Variants in NCAM1 observed in about 807,000 individuals in gnomAD.
The protein encoded by NCAM1 is antigen recognized by monoclonal antibody 5.1H11.
In NCAM1, 14 loss-of-function variants were observed where a neutral mutation model predicts 109.8. The observed-to-expected ratio is 0.13, with a 90% confidence interval of 0.08 to 0.20. The LOEUF (loss-of-function observed/expected upper bound fraction) is 0.20. NCAM1 is among the 10% of genes least tolerant of loss of function. The probability of loss-of-function intolerance (pLI) is 1.00; values close to 1 mark genes in which losing one functional copy is unlikely to be tolerated. For synonymous variants in NCAM1, 418 were observed against 442.9 expected (o/e 0.94, Z 0.70); for missense variants, 774 against 1,109.9 (o/e 0.70, Z 4.30).
intron 7 of NCAM1, among the ~76,000 whole-genome samples, chr11:113,209,228 C>T (rs1555113343): frequency 6.6e-6 from 1 of 152,192 alleles, no homozygotes; most frequent in Non-Finnish European, 1.5e-5. Flanking sequence ...TTGGGACCTG[C>T]TTATCCAGCC....
At chr11:113,014,986 C>G (rs970955135) in intron 1 of NCAM1, among the ~76,000 whole-genome samples, 1 of 152,204 alleles carries the variant, frequency 6.6e-6, no homozygotes, top group Non-Finnish European at 1.5e-5. Flanking sequence ...GGTGTGCTGC[C>G]GCCAGCTGGC....
At chr11:113,020,195 T>C (rs1555075996) in intron 1 of NCAM1, among the ~76,000 whole-genome samples, 1 of 152,222 alleles carries the variant, frequency 6.6e-6, no homozygotes, top group Non-Finnish European at 1.5e-5. Flanking sequence ...ACTCCTTACA[T>C]TGCCTTTATG....
chr11:113,150,755 G>T (rs1433914149), intron 1 of NCAM1, among the ~76,000 whole-genome samples: 2 of 152,196 alleles, frequency 1.3e-5, no homozygotes, highest in Admixed American at 6.5e-5. Flanking sequence ...GCATGCTCTG[G>T]AAACTGAAGC....
Position 112,961,477 on chromosome 11 carries a change from C to G in NCAM1, c.-136C>G. On this transcript the variant is annotated 5_prime_UTR_variant, in exon 1 of 20. Coordinates refer to ENST00000316851, the MANE Select transcript of NCAM1 (RefSeq NM_181351.5). ...CGGCTGCCGCTGGCAGGAAACAATTCTGCAAAAATAATCATACTCAGCCTG... is the reference window on the plus strand; with the variant it reads ...CGGCTGCCGCTGGCAGGAAACAATTGTGCAAAAATAATCATACTCAGCCTG... 1 of 788,596 alleles carries G rather than the reference C, an allele frequency of 1.3e-6. No homozygotes were observed. Among genetic ancestry groups the G allele is most frequent in the Non-Finnish European group, 2.3e-6 (1 of 426,700 alleles). 48.8% of individuals were successfully genotyped at this position (788,596 alleles called of 1,614,324 possible).
At chr11:113,014,118 G>T (rs1555074930) in intron 1 of NCAM1, among the ~76,000 whole-genome samples, 1 of 152,072 alleles carries the variant, frequency 6.6e-6, no homozygotes, top group Non-Finnish European at 1.5e-5. Flanking sequence ...ATACTACTCA[G>T]ATAAATGGTA....
intron 1 of NCAM1, among the ~76,000 whole-genome samples, chr11:112,968,463 T>C (rs1950784523): frequency 6.6e-6 from 1 of 152,224 alleles, no homozygotes; most frequent in African/African-American, 2.4e-5. Flanking sequence ...ATAATACCAA[T>C]AATTATATCT....
At chr11:113,054,381 T>A (rs1351701257) in intron 1 of NCAM1, among the ~76,000 whole-genome samples, 1 of 152,196 alleles carries the variant, frequency 6.6e-6, no homozygotes, top group Non-Finnish European at 1.5e-5. Flanking sequence ...AGTCCCACCC[T>A]CAGCATTTTA....
intron 1 of NCAM1, among the ~76,000 whole-genome samples, chr11:113,189,104 T>C (rs1476373450): frequency 6.6e-6 from 1 of 152,186 alleles, no homozygotes; most frequent in Non-Finnish European, 1.5e-5. Context: ...GCTTAGTTAC[T>C]TGGTTTTAAA....
intron 1 of NCAM1, among the ~76,000 whole-genome samples, chr11:113,029,634 A>G (rs1427587555): frequency 6.6e-6 from 1 of 152,198 alleles, no homozygotes; most frequent in Non-Finnish European, 1.5e-5. Flanking sequence ...AGAAATATCC[A>G]TTTAAATAAA....
At chr11:113,141,700 A>C (rs574428778) in intron 1 of NCAM1, among the ~76,000 whole-genome samples, 57 of 152,090 alleles carry the variant, frequency 3.7e-4, no homozygotes, top group Admixed American at 6.6e-4. Flanking sequence ...TTAGTTTAAA[A>C]ATAGACAGAA....
At chr11:113,093,547 A>G (rs1189927179) in intron 1 of NCAM1, among the ~76,000 whole-genome samples, 1 of 152,130 alleles carries the variant, frequency 6.6e-6, no homozygotes, top group Non-Finnish European at 1.5e-5. Context: ...TTATGGTCTT[A>G]TGAAGCACAG....
intron 1 of NCAM1, among the ~76,000 whole-genome samples, chr11:113,153,707 T>C (rs1942316321): frequency 6.6e-6 from 1 of 152,194 alleles, no homozygotes; most frequent in South Asian, 2.1e-4. Flanking sequence ...TATGTAAATC[T>C]GGGAGTGTGT....
intron 1 of NCAM1, among the ~76,000 whole-genome samples, chr11:113,201,654 G>T (rs45602736): frequency 0.092 from 14,039 of 152,272 alleles, 726 homozygotes; most frequent in East Asian, 0.25. Flanking sequence ...AGAGCATATG[G>T]ATGTTCAAAT....
At chr11:113,087,909 C>G (rs1354591114) in intron 1 of NCAM1, among the ~76,000 whole-genome samples, 1 of 152,184 alleles carries the variant, frequency 6.6e-6, no homozygotes, top group African/African-American at 2.4e-5. Flanking sequence ...GCAAGGCATT[C>G]TGCATGACTG....
intron 1 of NCAM1, among the ~76,000 whole-genome samples, chr11:113,154,393 A>G (rs1446467466): frequency 1.3e-5 from 2 of 152,182 alleles, no homozygotes; most frequent in African/African-American, 2.4e-5. Context: ...GACAGGAGCT[A>G]GTGGAGAGGA....
chr11:113,037,068 A>G (rs1419907408), intron 1 of NCAM1, among the ~76,000 whole-genome samples: 1 of 152,126 alleles, frequency 6.6e-6, no homozygotes, highest in Non-Finnish European at 1.5e-5. Context: ...CTCCTCCTCC[A>G]GTCTTTATAT....
intron 9 of NCAM1, among the ~76,000 whole-genome samples, chr11:113,224,446 G>T (rs1337654193): frequency 1.3e-5 from 2 of 152,220 alleles, no homozygotes; most frequent in African/African-American, 4.8e-5. Context: ...AGCTCGAACT[G>T]GGTGGAGCCC....
intron 1 of NCAM1, among the ~76,000 whole-genome samples, chr11:113,117,412 C>A (rs1940758758): frequency 6.6e-6 from 1 of 151,944 alleles, no homozygotes; most frequent in Non-Finnish European, 1.5e-5. Flanking sequence ...AGCATTCAGC[C>A]TGGGGTACAC....
intron 1 of NCAM1, among the ~76,000 whole-genome samples, chr11:113,196,536 T>A (rs2136803175): frequency 6.6e-6 from 1 of 152,366 alleles, no homozygotes; most frequent in African/African-American, 2.4e-5. Context: ...TTAAGAATAA[T>A]AATGCACAAC....
Sources: allele counts gnomAD v4.1 joint callset (sites outside exome capture counted in the v4.1 genomes callset), GRCh38; gene constraint gnomAD v4.1.1; transcripts MANE v1.5; gene names NCBI Gene and HGNC (gene_info 2026-07-23, HGNC 2026-07-21).